The following CDK5RAP1 variants were observed in gnomAD, a reference collection of about 807,000 sequenced individuals.
The protein encoded by CDK5RAP1 is CDK5RAP1 mitochondrial tRNA methylthiotransferase, also known as mitochondrial tRNA methylthiotransferase CDK5RAP1.
Under a neutral mutation model 64.5 loss-of-function variants are expected in CDK5RAP1, and 62 were observed. That is an observed-to-expected ratio of 0.96 (90% confidence interval 0.78 to 1.19). The LOEUF is 1.19. Among genes scored for constraint, CDK5RAP1 ranks in the 50% most tolerant of loss-of-function variants. The probability of loss-of-function intolerance (pLI) is 0.00; values close to 1 mark genes in which losing one functional copy is unlikely to be tolerated. For missense variants in CDK5RAP1, 657 were observed against 735.0 expected (o/e 0.89, Z 1.23); for synonymous variants, 250 against 261.9 (o/e 0.95, Z 0.44).
At chr20:33,380,243 C>T (rs1986563569) in intron 7 of CDK5RAP1, among the ~76,000 whole-genome samples, 1 of 152,144 alleles carries the variant, frequency 6.6e-6, no homozygotes, top group South Asian at 2.1e-4. Flanking sequence ...TCTTCTTCTT[C>T]TTGAGACAGG....
upstream of CDK5RAP1, chr20:33,401,554 G>C (rs985515857): frequency 1.0e-6 from 1 of 976,270 alleles, no homozygotes; most frequent in Non-Finnish European, 1.2e-6. Context: ...TTCAGGCCGG[G>C]TCATGCTAAC....
Position 33,392,260 on chromosome 20 carries a change from G to C in CDK5RAP1, c.444-18C>G, listed in dbSNP as rs1988405933. Reference sequence around the variant, plus strand: ...CCTTCTCCCTAGAGAGATCAAAGGAGGCAAGACTGAACCAAAAATAAACCA... The same window carrying C: ...CCTTCTCCCTAGAGAGATCAAAGGACGCAAGACTGAACCAAAAATAAACCA... On this transcript the variant is annotated intron_variant, in intron 4 of 13. Transcript: ENST00000346416. 1.3e-6 allele frequency: 2 copies of C among 1,535,262 alleles called. No homozygotes were observed. The highest frequency in any genetic ancestry group is 2.3e-5 in the South Asian group (2 of 86,484).
At chr20:33,368,145 A>ACAATTTGAGT (rs772205159) in intron 11 of CDK5RAP1, among the ~76,000 whole-genome samples, 8 of 152,240 alleles carry the variant, frequency 5.3e-5, no homozygotes, top group South Asian at 4.1e-4. Context: ...CAGCAGAGGC[A>ACAATTTGAGT]CAATTTGAGT....
chr20:33,362,067 G>GT (rs1983045760), intron 12 of CDK5RAP1, among the ~76,000 whole-genome samples: 1 of 152,044 alleles, frequency 6.6e-6, no homozygotes, highest in Admixed American at 6.6e-5. Flanking sequence ...TACGGAAGTG[G>GT]TGGAGGTGGG....
intron 7 of CDK5RAP1, among the ~76,000 whole-genome samples, chr20:33,382,884 GTAAA>G (rs1423463546): frequency 6.7e-6 from 1 of 149,330 alleles, no homozygotes; most frequent in Non-Finnish European, 1.5e-5. Flanking sequence ...AAATAAATAA[GTAAA>G]TAAATAAATA....
At chr20:33,391,356 AGAAGTT>A (rs1364623585) in intron 5 of CDK5RAP1, among the ~76,000 whole-genome samples, 1 of 151,748 alleles carries the variant, frequency 6.6e-6, no homozygotes, top group East Asian at 1.9e-4. Flanking sequence ...GTGGCTACTG[AGAAGTT>A]GAAATGTGGC....
intron 2 of CDK5RAP1, among the ~76,000 whole-genome samples, chr20:33,395,493 C>A (rs956302635): frequency 3.3e-5 from 5 of 152,098 alleles, no homozygotes; most frequent in African/African-American, 7.2e-5. Context: ...GTCCCAGCTA[C>A]TCAGGAGGCT....
At chr20:33,364,366 T>C (rs1983499493) in intron 12 of CDK5RAP1, among the ~76,000 whole-genome samples, 1 of 151,758 alleles carries the variant, frequency 6.6e-6, no homozygotes, top group African/African-American at 2.4e-5. Flanking sequence ...TTTTTGTATT[T>C]TTAGTAGAGA....
intron 2 of CDK5RAP1, among the ~76,000 whole-genome samples, chr20:33,396,034 G>A (rs1185366718): frequency 3.9e-5 from 6 of 151,984 alleles, no homozygotes. Flanking sequence ...GAAAAGAAAA[G>A]GAAGGGCTAA....
chr20:33,379,879 A>G (rs1288223819), intron 7 of CDK5RAP1, among the ~76,000 whole-genome samples, 188 bp from the exon 8 acceptor site: 1 of 152,174 alleles, frequency 6.6e-6, no homozygotes, highest in East Asian at 1.9e-4. Flanking sequence ...CATCTTACCT[A>G]AAGAGCTAAA....
chr20:33,387,738 G>A (rs570847043), intron 5 of CDK5RAP1, among the ~76,000 whole-genome samples: 2 of 152,104 alleles, frequency 1.3e-5, no homozygotes, highest in South Asian at 2.1e-4. Context: ...CACAGAAAAG[G>A]GTTCCAGAGC....
intron 9 of CDK5RAP1, 192 bp from the exon 10 acceptor site, chr20:33,372,889 T>C (rs145149086): frequency 7.6e-6 from 3 of 396,802 alleles, no homozygotes; most frequent in Admixed American, 4.6e-5. Flanking sequence ...CTAGAGCCTA[T>C]GAATTTTTAT....
intron 9 of CDK5RAP1, 147 bp downstream of exon 9, chr20:33,373,968 G>T (rs749177142): frequency 2.4e-5 from 16 of 669,886 alleles, no homozygotes; most frequent in Non-Finnish European, 4.3e-5. Flanking sequence ...AAACTCCAGT[G>T]CCCAGTGGCT....
intron 7 of CDK5RAP1, among the ~76,000 whole-genome samples, chr20:33,380,285 C>G (rs1306584896): frequency 2.0e-5 from 3 of 152,122 alleles, no homozygotes; most frequent in Admixed American, 2.0e-4. Flanking sequence ...TGGAGTGCAG[C>G]AGCACGATCA....
At chr20:33,384,756 A>T (rs1987199764) in intron 7 of CDK5RAP1, among the ~76,000 whole-genome samples, 2 of 152,082 alleles carry the variant, frequency 1.3e-5, no homozygotes, top group Admixed American at 1.3e-4. Flanking sequence ...TAAAAAATTC[A>T]CTGGGCGTGG....
chr20:33,373,339 G>C (rs977440059), intron 9 of CDK5RAP1: 6 of 152,278 alleles, frequency 3.9e-5, no homozygotes, highest in African/African-American at 1.4e-4. Context: ...TGTAAAGACT[G>C]GGTTTCCCCA....
intron 7 of CDK5RAP1, among the ~76,000 whole-genome samples, chr20:33,385,342 C>T (rs1987282878): frequency 6.6e-6 from 1 of 152,184 alleles, no homozygotes; most frequent in Admixed American, 6.5e-5. Flanking sequence ...TTATTTTATT[C>T]TCTTTTCACA....
chr20:33,396,963 G>A lies in CDK5RAP1; in HGVS notation c.102C>T (p.Ser34=). 3.7e-6 allele frequency: 6 copies of A among 1,614,110 alleles called. No homozygotes were observed. Among genetic ancestry groups the A allele is most frequent in the Non-Finnish European group, 5.1e-6 (6 of 1,179,960 alleles). Reference sequence around the variant, plus strand: ...TGGGACACATGGTACTAGAGAGACTGCTGTGTGCCCTGCACATCCTCAGCG... The same window carrying A: ...TGGGACACATGGTACTAGAGAGACTACTGTGTGCCCTGCACATCCTCAGCG... ...WLSLRMCRAH[S]SLSSTMCPSP... is the part of the protein sequence containing the mutation. Residue 34 remains serine, a synonymous_variant, in exon 2 of 14, where the codon AGC becomes AGT. Transcript: ENST00000346416.
chr20:33,370,689 T>C, intron 10 of CDK5RAP1, 60 bp from the exon 11 acceptor site: 7 of 1,585,454 alleles, frequency 4.4e-6, no homozygotes, highest in Non-Finnish European at 5.2e-6. Flanking sequence ...AAGGGAGGCC[T>C]TCAGCATATG....
Sources: gnomAD v4.1 joint callset for allele counts (sites outside exome capture counted in the v4.1 genomes callset) on GRCh38, gnomAD v4.1.1 for gene constraint, MANE v1.5 for transcripts, NCBI Gene and HGNC (gene_info 2026-07-23, HGNC 2026-07-21) for gene names.